The following HYCC2 variants were observed in gnomAD, a reference collection of about 807,000 sequenced individuals.
HYCC2 encodes hyccin PI4KA lipid kinase complex subunit 2, also known as hyccin 2.
chr2:201,027,206 A>G, the HYCC2 span, among the ~76,000 whole-genome samples: 8 of 152,220 alleles, frequency 5.3e-5, no homozygotes, highest in African/African-American at 1.9e-4. Context: ...ATAAACTAGA[A>G]AATCTAGAAG....
At chr2:201,043,432 T>TAAAAAAAA in the HYCC2 span, among the ~76,000 whole-genome samples, 3 of 74,864 alleles carry the variant, frequency 4.0e-5, no homozygotes, top group Non-Finnish European at 8.6e-5. Context: ...CAATAAATAC[T>TAAAAAAAA]AAAAAAAAAA....
chr2:200,999,397 T>A, the HYCC2 span, among the ~76,000 whole-genome samples: 1 of 152,046 alleles, frequency 6.6e-6, no homozygotes, highest in African/African-American at 2.4e-5. Flanking sequence ...CCACTTTTTT[T>A]TTTTTGAGAC....
chr2:201,004,919 A>G, the HYCC2 span, among the ~76,000 whole-genome samples: 1 of 149,674 alleles, frequency 6.7e-6, no homozygotes, highest in African/African-American at 2.5e-5. Flanking sequence ...TGGGAGCCTG[A>G]GGCAGGAGAA....
chr2:200,987,676 T>A, the HYCC2 span: 40 of 487,356 alleles, frequency 8.2e-5, no homozygotes, highest in Non-Finnish European at 1.3e-4. Flanking sequence ...GTGTGCATGC[T>A]GTGCACACAC....
the HYCC2 span, among the ~76,000 whole-genome samples, chr2:200,989,047 T>C: frequency 1.3e-5 from 2 of 152,234 alleles, no homozygotes; most frequent in Admixed American, 6.5e-5. Flanking sequence ...AGTGGGCTGT[T>C]CCAAGGTCTA....
At chr2:200,999,576 G>A in the HYCC2 span, among the ~76,000 whole-genome samples, 2 of 150,994 alleles carry the variant, frequency 1.3e-5, no homozygotes, top group Non-Finnish European at 2.9e-5. Flanking sequence ...TTTTAGTAGC[G>A]ACAGGGTTTC....
At chr2:201,071,588 C>T in the HYCC2 span, 1 of 152,822 alleles carries the variant, frequency 6.5e-6, no homozygotes, top group Non-Finnish European at 1.5e-5. Context: ...TTGCCTCCCC[C>T]AAAGACAGCA....
At chr2:201,063,252 C>G in the HYCC2 span, 3 of 1,589,984 alleles carry the variant, frequency 1.9e-6, no homozygotes, top group Non-Finnish European at 1.7e-6. Flanking sequence ...AAGTGCTCCA[C>G]GGGCTTTGGG....
chr2:201,037,547 T>C, the HYCC2 span, among the ~76,000 whole-genome samples: 1 of 152,128 alleles, frequency 6.6e-6, no homozygotes, highest in Non-Finnish European at 1.5e-5. Context: ...AAGAGAGATA[T>C]AGACCAATGG....
the HYCC2 span, among the ~76,000 whole-genome samples, chr2:200,991,183 A>T: frequency 6.6e-6 from 1 of 152,192 alleles, no homozygotes; most frequent in Non-Finnish European, 1.5e-5. Flanking sequence ...TAAAAACGTG[A>T]TGGAGGCCAG....
At chr2:201,054,224 T>TGGA in the HYCC2 span, among the ~76,000 whole-genome samples, 2 of 152,220 alleles carry the variant, frequency 1.3e-5, no homozygotes, top group African/African-American at 4.8e-5. Context: ...AATGGCATCT[T>TGGA]TTCCAATTCT....
chr2:200,993,039 AT>A, the HYCC2 span: 2 of 1,332,224 alleles, frequency 1.5e-6, no homozygotes, highest in African/African-American at 2.9e-5. Flanking sequence ...TGATTTCCAG[AT>A]TCATCAAATA....
At chr2:201,055,560 A>T in the HYCC2 span, among the ~76,000 whole-genome samples, 3 of 152,026 alleles carry the variant, frequency 2.0e-5, no homozygotes, top group Non-Finnish European at 2.9e-5. Flanking sequence ...TTAACAGGCC[A>T]TGGTAGTGAG....
At chr2:201,006,122 G>T in the HYCC2 span, among the ~76,000 whole-genome samples, 1 of 142,146 alleles carries the variant, frequency 7.0e-6, no homozygotes, top group Admixed American at 7.1e-5. Flanking sequence ...GTGAGCTATC[G>T]CGCCTGGCTT....
chr2:200,981,093 G>A, the HYCC2 span: 1 of 713,322 alleles, frequency 1.4e-6, no homozygotes. This position sits in a 1 kb window ranked among gnomAD's most constrained non-coding sequence, Gnocchi z 4.5. Context: ...ATGTAGGAAA[G>A]AGGGATAAAG....
the HYCC2 span, among the ~76,000 whole-genome samples, chr2:201,052,689 G>A: frequency 6.6e-6 from 1 of 152,186 alleles, no homozygotes. Context: ...GAACAATGAA[G>A]TTGCCTCAAC....
At chr2:201,036,153 T>C in the HYCC2 span, among the ~76,000 whole-genome samples, 1 of 152,128 alleles carries the variant, frequency 6.6e-6, no homozygotes, top group Admixed American at 6.5e-5. Flanking sequence ...AAGAAATGGA[T>C]AAATTCCTGG....
At chr2:201,034,016 A>G in the HYCC2 span, among the ~76,000 whole-genome samples, 1 of 151,870 alleles carries the variant, frequency 6.6e-6, no homozygotes, top group African/African-American at 2.4e-5. Context: ...CTAAATTACT[A>G]TTTTAAATTC....
At chr2:201,061,529 T>A in the HYCC2 span, 1 of 152,044 alleles carries the variant, frequency 6.6e-6, no homozygotes, top group Non-Finnish European at 1.5e-5. Flanking sequence ...CAATTAAGGC[T>A]GATTTTCCTG....
Sources: gnomAD v4.1 joint callset for allele counts (sites outside exome capture counted in the v4.1 genomes callset) on GRCh38, gnomAD v4.1.1 for gene constraint, Gnocchi (gnomAD v3.1) non-coding constraint, MANE v1.5 for transcripts, NCBI Gene and HGNC (gene_info 2026-07-23, HGNC 2026-07-21) for gene names.